Variants in RNF111 observed in about 807,000 individuals in gnomAD.
RNF111 encodes the protein E3 ubiquitin-protein ligase Arkadia.
Under a neutral mutation model 95.1 loss-of-function variants are expected in RNF111, and 17 were observed. The ratio of observed to expected loss-of-function variants is 0.18; its 90% CI spans 0.12 to 0.27. The LOEUF (loss-of-function observed/expected upper bound fraction) is 0.27. Among genes scored for constraint, RNF111 ranks in the 10% least tolerant of loss-of-function variants. RNF111 has a pLI of 1.00. For missense variants in RNF111, 1,189 were observed against 1,210.4 expected (o/e 0.98, Z 0.26); for synonymous variants, 440 against 414.8 (o/e 1.06, Z -0.74).
chr15:59,047,534 A>T (rs1004025620), intron 2 of RNF111, among the ~76,000 whole-genome samples: 2 of 152,036 alleles, frequency 1.3e-5, no homozygotes, highest in South Asian at 4.1e-4. Flanking sequence ...TAATAATCAC[A>T]TGAAAAAATG....
chr15:59,084,943 C>G (rs1270911989), intron 9 of RNF111, among the ~76,000 whole-genome samples: 2 of 152,166 alleles, frequency 1.3e-5, no homozygotes, highest in Non-Finnish European at 2.9e-5. Flanking sequence ...TCTTCTTTAT[C>G]TGACCCCCAC....
intron 1 of RNF111, among the ~76,000 whole-genome samples, chr15:58,990,135 A>G (rs752305661): frequency 2.0e-4 from 31 of 152,204 alleles, no homozygotes; most frequent in Non-Finnish European, 4.4e-4. Context: ...CTTGCTATAC[A>G]TTAGATCTCC....
At chr15:59,042,429 AT>A (rs561234116) in intron 2 of RNF111, among the ~76,000 whole-genome samples, 4 of 151,636 alleles carry the variant, frequency 2.6e-5, no homozygotes, top group Non-Finnish European at 5.9e-5. Context: ...GCTGTCCAAC[AT>A]TTTTTTTCAC....
At position 59,030,814 on chromosome 15, in the gene RNF111, A is replaced by C. The variant is rs2040866618; in HGVS notation, c.-9A>C. ...AATTTTGTCTTCTAGGCTTTCCTTAAAGTTTCCCATGTCTCAATGGACTCC... is the reference window on the plus strand; with the variant it reads ...AATTTTGTCTTCTAGGCTTTCCTTACAGTTTCCCATGTCTCAATGGACTCC... On this transcript the variant is annotated 5_prime_UTR_variant, in exon 2 of 14. Transcript: ENST00000348370. 1.3e-6 allele frequency: 2 copies of C among 1,560,676 alleles called. No individual in the cohort carries two copies. Among genetic ancestry groups the C allele is most frequent in the Non-Finnish European group, 1.7e-6 (2 of 1,153,706 alleles).
At position 59,096,009 on chromosome 15, in the gene RNF111, G is replaced by C; in HGVS notation, c.*1109G>C. Reference sequence around the variant, plus strand: ...TAAACTTGAAAACAGTAAATCTGCAGATACTGTGAGGCACAAATTATACTG... The same window carrying C: ...TAAACTTGAAAACAGTAAATCTGCACATACTGTGAGGCACAAATTATACTG... On this transcript the variant is annotated 3_prime_UTR_variant, in exon 14 of 14. Coordinates refer to ENST00000348370, the MANE Select transcript of RNF111 (RefSeq NM_017610.8). 2.5e-6 allele frequency: 1 copy of C among 398,600 alleles called. No homozygotes were observed. The highest frequency in any genetic ancestry group is 4.4e-6 in the Non-Finnish European group (1 of 225,832). 24.7% of individuals were successfully genotyped at this position (398,600 alleles called of 1,614,324 possible). A position where few individuals can be genotyped will look rare whatever the true frequency, so the allele number is the denominator to read the frequency against.
intron 4 of RNF111, among the ~76,000 whole-genome samples, chr15:59,057,619 T>TA (rs2042251581): frequency 6.6e-6 from 1 of 152,222 alleles, no homozygotes; most frequent in South Asian, 2.1e-4. Context: ...TACCTGAAAT[T>TA]TCTTTTACTT....
At chr15:59,017,097 A>G (rs566746078) in intron 1 of RNF111, among the ~76,000 whole-genome samples, 396 of 152,218 alleles carry the variant, frequency 2.6e-3, no homozygotes, top group Non-Finnish European at 4.2e-3. Flanking sequence ...ATGATAATAG[A>G]AACAAAGTGC....
chr15:59,086,958 G>T (rs1169365407), intron 10 of RNF111, among the ~76,000 whole-genome samples: 1 of 152,174 alleles, frequency 6.6e-6, no homozygotes, highest in African/African-American at 2.4e-5. Context: ...AGTAGAAGAG[G>T]TAAATATTGA....
intron 1 of RNF111, among the ~76,000 whole-genome samples, chr15:58,993,360 T>TA (rs200414271): frequency 6.7e-6 from 1 of 149,388 alleles, no homozygotes; most frequent in East Asian, 2.0e-4. Context: ...AACACAAAAA[T>TA]AAAAAAAATA....
intron 1 of RNF111, among the ~76,000 whole-genome samples, chr15:59,025,714 T>C (rs1425044488): frequency 3.9e-5 from 6 of 152,026 alleles, no homozygotes; most frequent in African/African-American, 1.2e-4. Context: ...AAATGCCAAG[T>C]CATCTATGGC....
intron 6 of RNF111, among the ~76,000 whole-genome samples, chr15:59,072,116 A>G (rs1209393966): frequency 6.6e-6 from 1 of 152,224 alleles, no homozygotes; most frequent in Non-Finnish European, 1.5e-5. Context: ...ATCCTCTGAG[A>G]CTTCAGCAAA....
intron 1 of RNF111, among the ~76,000 whole-genome samples, chr15:58,995,604 C>T (rs2039031147): frequency 1.3e-5 from 2 of 151,596 alleles, no homozygotes; most frequent in African/African-American, 4.8e-5. Flanking sequence ...ATTATAGGCG[C>T]CTGCCACCAT....
chr15:59,076,123 A>G lies in RNF111; in HGVS notation c.1856A>G (p.Asp619Gly), dbSNP rs1427561500. Residue 619 changes from aspartate (D) to glycine (G), a missense_variant, in exon 7 of 14, where the codon GAT becomes GGT. Coordinates refer to ENST00000348370, the MANE Select transcript of RNF111 (RefSeq NM_017610.8). ...AAPSQPLSSI[D>G]GYGSSMVAQP... The stretch of plus-strand genomic sequence containing the variant: ...CCAAGTCAACCTTTATCATCAATAG[A>G]TGGCTATGGATCAAGCATGGTTGCG... 6.2e-7 allele frequency: 1 copy of G among 1,614,146 alleles called. No homozygotes were observed. The highest frequency in any genetic ancestry group is 1.7e-5 in the Admixed American group (1 of 60,030).
chr15:59,059,251 A>G (rs1247037928), intron 5 of RNF111, among the ~76,000 whole-genome samples: 1 of 152,236 alleles, frequency 6.6e-6, no homozygotes, highest in East Asian at 1.9e-4. Context: ...AAGAAGCACA[A>G]GATGCTCAAC....
intron 1 of RNF111, among the ~76,000 whole-genome samples, chr15:58,995,436 G>A (rs1422716449): frequency 1.3e-5 from 2 of 150,682 alleles, no homozygotes; most frequent in African/African-American, 2.4e-5. Context: ...TTCCAAGTGG[G>A]CTCCTGTGTC....
At chr15:59,066,727 T>C in intron 5 of RNF111, 37 bp from the exon 6 acceptor site, 1 of 1,518,482 alleles carries the variant, frequency 6.6e-7, no homozygotes, top group Non-Finnish European at 9.1e-7. Context: ...TGATATTTCA[T>C]GATTTGATTA....
At chr15:58,994,546 CG>C (rs2141379227) in intron 1 of RNF111, among the ~76,000 whole-genome samples, 1 of 135,606 alleles carries the variant, frequency 7.4e-6, no homozygotes, top group East Asian at 2.2e-4. Flanking sequence ...AGTGTGATCT[CG>C]GCTCACTGTA....
intron 8 of RNF111, among the ~76,000 whole-genome samples, chr15:59,083,537 A>G (rs561219775): frequency 1.4e-5 from 2 of 147,568 alleles, no homozygotes; most frequent in Admixed American, 6.8e-5. Context: ...TTCCTCTCCA[A>G]AAAAAAAAAA....
At chr15:59,028,873 A>G (rs1231328377) in intron 1 of RNF111, among the ~76,000 whole-genome samples, 2 of 151,186 alleles carry the variant, frequency 1.3e-5, no homozygotes, top group Admixed American at 6.6e-5. Context: ...TCTGCCTCCC[A>G]GGTTCAAGCG....
Sources: gnomAD v4.1 joint callset for allele counts (sites outside exome capture counted in the v4.1 genomes callset) on GRCh38, gnomAD v4.1.1 for gene constraint, MANE v1.5 for transcripts, NCBI Gene and HGNC (gene_info 2026-07-23, HGNC 2026-07-21) for gene names.